The following SHANK2 variants were observed in gnomAD, a reference collection of about 807,000 sequenced individuals.
The protein encoded by SHANK2 is SH3 and multiple ankyrin repeat domains 2, also known as SH3 and multiple ankyrin repeat domains protein 2.
SHANK2 carries 43 observed loss-of-function variants against 133.7 expected under a neutral mutation model. The ratio of observed to expected loss-of-function variants is 0.32; its 90% CI spans 0.25 to 0.41. SHANK2 has a LOEUF of 0.41. Among genes scored for constraint, SHANK2 ranks in the 10% least tolerant of loss-of-function variants. The pLI, the probability that SHANK2 is intolerant of heterozygous loss-of-function variation, is 1.00. For missense variants in SHANK2, 1,994 were observed against 2,235.8 expected, an observed-to-expected ratio of 0.89 and a Z score of 2.18; for synonymous variants, 1,017 against 952.8, an observed-to-expected ratio of 1.07 and a Z score of -1.24.
intron 17 of SHANK2, among the ~76,000 whole-genome samples, chr11:70,518,531 C>G (rs567724878): frequency 6.6e-6 from 1 of 152,352 alleles, no homozygotes; most frequent in South Asian, 2.1e-4. Flanking sequence ...GTCTCTGAAG[C>G]CTTTTTACAT....
chr11:70,647,644 T>C (rs1283296468), intron 17 of SHANK2: 3 of 152,262 alleles, frequency 2.0e-5, no homozygotes, highest in African/African-American at 4.8e-5. Context: ...GCAAGCATTT[T>C]ACACAGTCAC....
chr11:71,233,594 G>A (rs931092218), intron 1 of SHANK2, among the ~76,000 whole-genome samples: 1 of 152,208 alleles, frequency 6.6e-6, no homozygotes, highest in Non-Finnish European at 1.5e-5. Flanking sequence ...ACACGGCACT[G>A]CAGGTTTTCA....
At chr11:70,730,177 TGAGGC>T (rs781883073) in intron 14 of SHANK2, among the ~76,000 whole-genome samples, 6,670 of 152,242 alleles carry the variant, frequency 0.044, 160 homozygotes, top group African/African-American at 0.06. Context: ...ATTTGCAGCA[TGAGGC>T]CCCAGGAGCT....
chr11:70,681,154 C>G (rs1945021150), intron 15 of SHANK2, among the ~76,000 whole-genome samples: 1 of 152,178 alleles, frequency 6.6e-6, no homozygotes, highest in Non-Finnish European at 1.5e-5. Flanking sequence ...TGGGAGGGTC[C>G]TGCCTCTTGA....
chr11:71,167,337 G>A (rs1379886406), intron 2 of SHANK2, among the ~76,000 whole-genome samples: 3 of 151,694 alleles, frequency 2.0e-5, no homozygotes, highest in Admixed American at 6.6e-5. Flanking sequence ...CCGGGCAGAG[G>A]GGCTCACTTC....
chr11:70,798,516 G>T lies in SHANK2; in HGVS notation c.1704C>A (p.Ala568=). ...IGEGGFWEGS[A]RGHIGWFPAE... ...CCGGAAACCATCCGATGTGGCCGCGGGCGCTGCCTTCCCAGAAGCCCCCTT... is the reference window on the plus strand; with the variant it reads ...CCGGAAACCATCCGATGTGGCCGCGTGCGCTGCCTTCCCAGAAGCCCCCTT... Residue 568 remains alanine (A), a synonymous_variant, in exon 14 of 26, where the codon GCC becomes GCA. Transcript: ENST00000601538. 1 of 718,588 alleles carries T rather than the reference G, an allele frequency of 1.4e-6. No individual in the cohort carries two copies. Among genetic ancestry groups the T allele is most frequent in the South Asian group, 1.5e-5 (1 of 67,596 alleles). 44.5% of individuals were successfully genotyped at this position (718,588 alleles called of 1,614,324 possible).
chr11:71,193,156 C>T (rs1953824868), intron 2 of SHANK2, among the ~76,000 whole-genome samples: 1 of 152,168 alleles, frequency 6.6e-6, no homozygotes, highest in Admixed American at 6.6e-5. Flanking sequence ...GATTCCTCCC[C>T]GAAATCATAC....
At chr11:70,640,390 C>A (rs182539410) in intron 17 of SHANK2, among the ~76,000 whole-genome samples, 1 of 152,144 alleles carries the variant, frequency 6.6e-6, no homozygotes, top group Non-Finnish European at 1.5e-5. Context: ...CCTGGAGACA[C>A]GGGAAGCCGG....
chr11:70,698,361 GC>G, intron 15 of SHANK2: 3 of 407,518 alleles, frequency 7.4e-6, no homozygotes. Context: ...GGATGCTGCT[GC>G]CCCAATACTG....
At chr11:71,231,883 C>T (rs1242375598) in intron 1 of SHANK2, among the ~76,000 whole-genome samples, 2 of 150,302 alleles carry the variant, frequency 1.3e-5, no homozygotes, top group Non-Finnish European at 3.0e-5. Context: ...GGCCAGGTGT[C>T]TTCAAGGAAA....
chr11:71,223,694 A>C (rs1255492751), intron 2 of SHANK2, among the ~76,000 whole-genome samples: 1 of 152,184 alleles, frequency 6.6e-6, no homozygotes, highest in Non-Finnish European at 1.5e-5. Flanking sequence ...CACAGTATTA[A>C]GATCTCATGG....
At chr11:71,214,107 C>A (rs1020619855) in intron 2 of SHANK2, among the ~76,000 whole-genome samples, 1 of 152,194 alleles carries the variant, frequency 6.6e-6, no homozygotes, top group African/African-American at 2.4e-5. Flanking sequence ...CTCACAGAAA[C>A]CCCCAGAAAG....
intron 12 of SHANK2, among the ~76,000 whole-genome samples, chr11:70,811,725 TC>T (rs1163550309): frequency 6.6e-6 from 1 of 151,242 alleles, no homozygotes; most frequent in African/African-American, 2.4e-5. Flanking sequence ...CATTTATCCA[TC>T]CATCTACCCA....
At chr11:70,945,202 G>A (rs1555085149) in intron 10 of SHANK2, among the ~76,000 whole-genome samples, 1 of 152,166 alleles carries the variant, frequency 6.6e-6, no homozygotes. Context: ...GGGGTGCTTT[G>A]CTGGGGAGAT....
intron 14 of SHANK2, among the ~76,000 whole-genome samples, chr11:70,740,365 G>A (rs1289491981): frequency 6.6e-6 from 1 of 152,156 alleles, no homozygotes; most frequent in Non-Finnish European, 1.5e-5. Flanking sequence ...GTATGTGTTC[G>A]ACAAATAAAT....
In SHANK2 at chr11:70,798,564, C is replaced by T. The variant is rs782583508; in HGVS notation, c.1664-8G>A. 70 of 718,192 alleles carry T rather than the reference C, an allele frequency of 9.7e-5. No individual in the cohort carries two copies. Among genetic ancestry groups the T allele is most frequent in the Admixed American group, 2.0e-4 (10 of 49,910 alleles). The allele number at this position is 718,192 out of a possible 1,614,324, so 44.5% of individuals were successfully genotyped here. On this transcript the variant is annotated splice_polypyrimidine_tract_variant and splice_region_variant and intron_variant, in intron 13 of 25. Coordinates refer to ENST00000601538, the MANE Select transcript of SHANK2 (RefSeq NM_012309.5). ...CTTCACCGATGCTCAGAACTAGAGA[C>T]GACAAAAAGGGAGAGGTGTTAGCAG...
intron 14 of SHANK2, among the ~76,000 whole-genome samples, chr11:70,784,640 T>C (rs1187588256): frequency 6.6e-5 from 10 of 152,128 alleles, no homozygotes; most frequent in African/African-American, 2.2e-4. Flanking sequence ...GCATTTGCCA[T>C]TGACCAGCGA....
intron 17 of SHANK2, chr11:70,631,787 C>A (rs868929488): frequency 6.6e-6 from 1 of 152,330 alleles, no homozygotes. Flanking sequence ...GCAGTGTTCT[C>A]CCCAGGGCGC....
chr11:70,763,677 A>G (rs1555040714), intron 14 of SHANK2, among the ~76,000 whole-genome samples: 1 of 152,162 alleles, frequency 6.6e-6, no homozygotes, highest in African/African-American at 2.4e-5. Context: ...GTTGGGCCAT[A>G]TGGATGCCCG....
Sources: allele counts gnomAD v4.1 joint callset (sites outside exome capture counted in the v4.1 genomes callset), GRCh38; gene constraint gnomAD v4.1.1; transcripts MANE v1.5; gene names NCBI Gene and HGNC (gene_info 2026-07-23, HGNC 2026-07-21).